CFH: variants seen among roughly 807,000 people sequenced by gnomAD.
CFH encodes complement factor H.
Under a neutral mutation model 147.3 loss-of-function variants are expected in CFH, and 53 were observed. The observed-to-expected ratio is 0.36, with a 90% confidence interval of 0.29 to 0.45. The LOEUF (loss-of-function observed/expected upper bound fraction) is 0.45, where lower values mean the gene tolerates loss of function less well. Ranked by LOEUF, CFH falls within the 20% of genes least tolerant of loss-of-function variation. The pLI is 1.00. For synonymous variants in CFH, 536 were observed against 489.4 expected (o/e 1.10, Z -1.26); for missense variants, 1,380 against 1,498.0 (o/e 0.92, Z 1.30).
chr1:196,730,185 T>C (rs1284176164), intron 15 of CFH, among the ~76,000 whole-genome samples: 2 of 151,882 alleles, frequency 1.3e-5, no homozygotes, highest in African/African-American at 4.8e-5. Context: ...GACTGTTTAT[T>C]TGAGTTCTTT....
At chr1:196,670,194 C>T (rs540576754) in intron 1 of CFH, among the ~76,000 whole-genome samples, 2 of 152,200 alleles carry the variant, frequency 1.3e-5, no homozygotes, top group African/African-American at 4.8e-5. Context: ...ATTTTACAAG[C>T]TCATATGTGG....
intron 6 of CFH, among the ~76,000 whole-genome samples, chr1:196,684,253 A>G (rs1338200280): frequency 6.6e-6 from 1 of 151,956 alleles, no homozygotes; most frequent in Non-Finnish European, 1.5e-5. Flanking sequence ...ATTGTTTTTC[A>G]TTACTTTTGT....
intron 5 of CFH, chr1:196,678,433 G>T (rs773251596): frequency 2.0e-5 from 3 of 151,714 alleles, no homozygotes; most frequent in Non-Finnish European, 4.4e-5. Context: ...GAAGTTTCTG[G>T]CATATTTATA....
At chr1:196,694,834 T>C (rs767908008) in intron 9 of CFH, among the ~76,000 whole-genome samples, 3 of 152,168 alleles carry the variant, frequency 2.0e-5, no homozygotes, top group South Asian at 2.1e-4. Flanking sequence ...ATCCTTCACC[T>C]ACTTTTTGAT....
At chr1:196,679,430 A>G (rs1043953377) in intron 5 of CFH, 193 bp from the exon 6 acceptor site, 3 of 456,968 alleles carry the variant, frequency 6.6e-6, no homozygotes, top group African/African-American at 5.9e-5. Flanking sequence ...ATAAAATCAG[A>G]AGCATAATTT....
intron 9 of CFH, among the ~76,000 whole-genome samples, chr1:196,710,595 C>A (rs1162584798): frequency 6.6e-6 from 1 of 152,038 alleles, no homozygotes; most frequent in African/African-American, 2.4e-5. Context: ...AGCCCCTTTA[C>A]CTTTCCATAT....
rs1667497663 is a variant in CFH at position 196,677,540 on chromosome 1, A to G, written c.492A>G (p.Pro164=). Residue 164 remains proline (P), a synonymous_variant, in exon 5 of 22, where the codon CCA becomes CCG. Coordinates refer to ENST00000367429, the MANE Select transcript of CFH (RefSeq NM_000186.4). The part of the protein sequence containing the change: ...NGKIVSSAME[P]DREYHFGQAV... ...AAATTGTCAGTAGTGCAATGGAACC[A>G]GATCGGGAATACCATTTTGGACAAG... The G allele has an allele frequency of 3.7e-6, 6 of 1,613,196 alleles. No homozygotes were observed. Among genetic ancestry groups the G allele is most frequent in the Middle Eastern group, 1.6e-4 (1 of 6,078 alleles).
chr1:196,745,965 A>G lies in CFH; in HGVS notation c.3459A>G (p.Arg1153=). The G allele has an allele frequency of 4.3e-6, 7 of 1,614,170 alleles. No individual in the cohort carries two copies. The highest frequency in any genetic ancestry group is 5.1e-6 in the Non-Finnish European group (6 of 1,180,024). The change falls in exon 21 of 22, where the codon AGA becomes AGG. Residue 1153 remains arginine (R), a synonymous_variant. Coordinates refer to ENST00000367429, the MANE Select transcript of CFH (RefSeq NM_000186.4). ...AGGGTAACAAGCGAATAACATGTAG[A>G]AATGGACAATGGTCAGAACCACCAA... ...QLEGNKRITC[R]NGQWSEPPKC...
At chr1:196,659,471 C>T (rs78017925) in intron 1 of CFH, among the ~76,000 whole-genome samples, 5,860 of 152,190 alleles carry the variant, frequency 0.039, 389 homozygotes, top group African/African-American at 0.13. Flanking sequence ...GTTGAAGTGG[C>T]AGTGTATAGC....
At chr1:196,665,781 AT>A in intron 1 of CFH, among the ~76,000 whole-genome samples, 1 of 152,100 alleles carries the variant, frequency 6.6e-6, no homozygotes, top group Admixed American at 6.5e-5. Context: ...CTAATTTTGT[AT>A]TTTTAGTAGA....
chr1:196,727,453 C>G (rs574702789), intron 14 of CFH, among the ~76,000 whole-genome samples: 1 of 152,120 alleles, frequency 6.6e-6, no homozygotes, highest in Non-Finnish European at 1.5e-5. Flanking sequence ...GCAGTGAGCT[C>G]TATTGTGCAT....
chr1:196,662,384 T>A (rs1323424985), intron 1 of CFH, among the ~76,000 whole-genome samples: 14 of 152,204 alleles, frequency 9.2e-5, no homozygotes, highest in Admixed American at 9.2e-4. Flanking sequence ...TACACATACA[T>A]GTTTGTATTT....
intron 10 of CFH, among the ~76,000 whole-genome samples, chr1:196,714,223 T>A (rs1480462989): frequency 6.6e-6 from 1 of 152,158 alleles, no homozygotes; most frequent in Middle Eastern, 3.4e-3. Flanking sequence ...TGTTAATATA[T>A]ATCTGTTTTA....
At chr1:196,704,663 A>G (rs766063259) in intron 9 of CFH, among the ~76,000 whole-genome samples, 4 of 152,200 alleles carry the variant, frequency 2.6e-5, no homozygotes, top group Non-Finnish European at 5.9e-5. Context: ...TGCCAAATCT[A>G]AAGCAGCGCC....
chr1:196,729,858 C>T (rs1381996619), intron 15 of CFH, among the ~76,000 whole-genome samples: 1 of 151,774 alleles, frequency 6.6e-6, no homozygotes, highest in Non-Finnish European at 1.5e-5. Flanking sequence ...TCTAGGTTAT[C>T]CAATTTGTTG....
intron 11 of CFH, among the ~76,000 whole-genome samples, chr1:196,723,060 C>A (rs988783150): frequency 2.6e-5 from 4 of 151,748 alleles, no homozygotes; most frequent in Non-Finnish European, 4.4e-5. Context: ...ATTTTAAATT[C>A]TTTGGTATTT....
intron 1 of CFH, among the ~76,000 whole-genome samples, chr1:196,655,158 C>T (rs929269047): frequency 1.3e-5 from 2 of 152,046 alleles, no homozygotes; most frequent in Non-Finnish European, 2.9e-5. Flanking sequence ...TTATTATCAT[C>T]TGACAACTTC....
chr1:196,728,760 T>C (rs922596536), intron 15 of CFH, among the ~76,000 whole-genome samples: 2 of 145,980 alleles, frequency 1.4e-5, no homozygotes, highest in African/African-American at 5.2e-5. Context: ...CACACACACA[T>C]AAACCAGGCA....
At chr1:196,737,956 T>C (rs1331882253) in intron 17 of CFH, among the ~76,000 whole-genome samples, 2 of 152,014 alleles carry the variant, frequency 1.3e-5, no homozygotes, top group Non-Finnish European at 2.9e-5. Flanking sequence ...AATTTATACA[T>C]ACAAAAAAAG....
Sources: allele counts gnomAD v4.1 joint callset (sites outside exome capture counted in the v4.1 genomes callset), GRCh38; gene constraint gnomAD v4.1.1; transcripts MANE v1.5; gene names NCBI Gene and HGNC (gene_info 2026-07-23, HGNC 2026-07-21).